NAV2: variants seen among roughly 807,000 people sequenced by gnomAD.
NAV2 encodes neuron navigator 2, also known as helicase, APC down-regulated 1.
NAV2 carries 54 observed loss-of-function variants against 223.2 expected under a neutral mutation model. The observed-to-expected ratio is 0.24, with a 90% CI of 0.19 to 0.30. The LOEUF (loss-of-function observed/expected upper bound fraction) is 0.30, where lower values mean the gene tolerates loss of function less well. Ranked by LOEUF, NAV2 falls within the 10% of genes least tolerant of loss-of-function variation. The probability of loss-of-function intolerance (pLI) is 1.00; values close to 1 mark genes in which losing one functional copy is unlikely to be tolerated. For synonymous variants in NAV2, 1,279 were observed against 1,239.3 expected (o/e 1.03, Z -0.67); for missense variants, 2,806 against 3,147.5 (o/e 0.89, Z 2.60).
At chr11:19,475,288 T>A (rs1249678306) in intron 1 of NAV2, among the ~76,000 whole-genome samples, 1 of 152,200 alleles carries the variant, frequency 6.6e-6, no homozygotes, top group Non-Finnish European at 1.5e-5. Context: ...TTTCTCAGAA[T>A]GAAGAGGACA....
intron 3 of NAV2, among the ~76,000 whole-genome samples, chr11:19,860,149 G>A: frequency 6.8e-6 from 1 of 146,948 alleles, no homozygotes; most frequent in Non-Finnish European, 1.5e-5. Flanking sequence ...TCCCGGACGG[G>A]GCGGCTGGCC....
intron 1 of NAV2, among the ~76,000 whole-genome samples, chr11:19,697,106 G>A (rs1338479594): frequency 1.3e-5 from 2 of 152,210 alleles, no homozygotes. Flanking sequence ...CCATAAAAAA[G>A]AACAAAATCA....
At chr11:19,796,304 G>A (rs1199713432) in intron 1 of NAV2, among the ~76,000 whole-genome samples, 3 of 152,252 alleles carry the variant, frequency 2.0e-5, no homozygotes, top group African/African-American at 7.2e-5. Flanking sequence ...CTCCTAATAT[G>A]TATTATTACA....
chr11:19,552,428 G>A (rs1387214121), intron 1 of NAV2, among the ~76,000 whole-genome samples: 2 of 152,074 alleles, frequency 1.3e-5, no homozygotes, highest in African/African-American at 4.8e-5. Flanking sequence ...GGGGCTCAGG[G>A]GCATGGAGCC....
At chr11:19,368,238 C>T (rs952621695) in intron 1 of NAV2, among the ~76,000 whole-genome samples, 1 of 152,202 alleles carries the variant, frequency 6.6e-6, no homozygotes, top group Non-Finnish European at 1.5e-5. Context: ...TTTTTCCTCT[C>T]CCGAGGCAAG....
At position 20,100,279 on chromosome 11, in the gene NAV2, T is replaced by C. The variant is rs186006981; in HGVS notation, c.6182-658T>C. On this transcript the variant is annotated intron_variant, in intron 31 of 37. Coordinates refer to ENST00000349880, the MANE Select transcript of NAV2 (RefSeq NM_145117.5). The stretch of plus-strand genomic sequence containing the variant: ...GGAAAGGAGAAGGATAAGTTTCCAC[T>C]TGATGTTGTTGAGGACCAAGAGTCC... Among the ~76,000 whole-genome samples the C allele has an allele frequency of 1.6e-4, 25 of 152,326 alleles. No homozygotes were observed. In the East Asian group the frequency reaches 3.5e-3, roughly 21 times the overall value.
intron 5 of NAV2, among the ~76,000 whole-genome samples, chr11:19,883,332 T>C (rs2063336559): frequency 6.6e-6 from 1 of 152,174 alleles, no homozygotes; most frequent in Non-Finnish European, 1.5e-5. Flanking sequence ...GACAGCTTCA[T>C]AGAGGCTCAC....
chr11:19,397,182 A>G (rs148143058), intron 1 of NAV2, among the ~76,000 whole-genome samples: 310 of 152,288 alleles, frequency 2.0e-3, no homozygotes, highest in Non-Finnish European at 3.1e-3. Context: ...AAAAGAGGGA[A>G]CTGATGTGTT....
intron 1 of NAV2, among the ~76,000 whole-genome samples, chr11:19,463,300 C>T (rs891531350): frequency 6.6e-6 from 1 of 152,196 alleles, no homozygotes; most frequent in African/African-American, 2.4e-5. Context: ...GGCATTGTGC[C>T]GTGTCTAAGA....
intron 1 of NAV2, among the ~76,000 whole-genome samples, chr11:19,634,018 T>C (rs1020232724): frequency 1.3e-5 from 2 of 152,252 alleles, no homozygotes; most frequent in Non-Finnish European, 2.9e-5. Flanking sequence ...AAAGGTATGT[T>C]CCTTCCTTCT....
intron 1 of NAV2, among the ~76,000 whole-genome samples, chr11:19,394,941 C>T (rs1590115885): frequency 1.3e-5 from 2 of 152,190 alleles, no homozygotes; most frequent in East Asian, 3.8e-4. Flanking sequence ...AGTACATAAT[C>T]CCGTAAAGCC....
intron 10 of NAV2, among the ~76,000 whole-genome samples, chr11:19,981,759 A>T (rs1338433390): frequency 6.6e-6 from 1 of 152,200 alleles, no homozygotes; most frequent in Non-Finnish European, 1.5e-5. Flanking sequence ...TGCTACCTGT[A>T]GGATGGATGC....
intron 1 of NAV2, among the ~76,000 whole-genome samples, chr11:19,803,412 T>C (rs1279671945): frequency 6.6e-6 from 1 of 152,184 alleles, no homozygotes; most frequent in Non-Finnish European, 1.5e-5. Flanking sequence ...AAGAAAGCAT[T>C]TGGCAGCATG....
At chr11:20,032,220 C>T (rs2153558849) in intron 11 of NAV2, among the ~76,000 whole-genome samples, 1 of 152,304 alleles carries the variant, frequency 6.6e-6, no homozygotes, top group South Asian at 2.1e-4. Flanking sequence ...CCTCGTGTCA[C>T]TGCCCTTCAT....
At chr11:19,459,649 C>G (rs1038719852) in intron 1 of NAV2, among the ~76,000 whole-genome samples, 1 of 152,182 alleles carries the variant, frequency 6.6e-6, no homozygotes, top group South Asian at 2.1e-4. Context: ...GATAATCAAC[C>G]AGTATTCTAG....
chr11:19,527,319 T>G (rs375229095), intron 1 of NAV2, among the ~76,000 whole-genome samples: 2 of 152,330 alleles, frequency 1.3e-5, no homozygotes, highest in East Asian at 3.9e-4. Flanking sequence ...TCTGTCACGA[T>G]TATGAGGCCT....
chr11:19,463,835 A>T (rs1852250606), intron 1 of NAV2, among the ~76,000 whole-genome samples: 1 of 151,594 alleles, frequency 6.6e-6, no homozygotes, highest in Admixed American at 6.6e-5. Flanking sequence ...GGCTGGGGAG[A>T]GCTGACACAG....
chr11:19,648,108 G>A lies in NAV2; in HGVS notation c.76-184376G>A, dbSNP rs2047868488. Among the ~76,000 whole-genome samples, 5 of 152,146 alleles carry A rather than the reference G, an allele frequency of 3.3e-5. No individual in the cohort carries two copies. In the South Asian group the frequency reaches 8.3e-4, roughly 25 times the overall value. On this transcript the variant is annotated intron_variant, in intron 1 of 37. Transcript: ENST00000360655. ...GCTGTTAATTTTTCAGGAATTTTGT[G>A]AGCTACTTGTGAAAAGCAGTTATTA...
chr11:19,830,316 G>A (rs180670632), intron 1 of NAV2, among the ~76,000 whole-genome samples: 57 of 152,346 alleles, frequency 3.7e-4, no homozygotes, highest in African/African-American at 1.3e-3. Context: ...GGATGCCACG[G>A]AAGGGATGAA....
Sources: allele counts gnomAD v4.1 joint callset (sites outside exome capture counted in the v4.1 genomes callset), GRCh38; gene constraint gnomAD v4.1.1; transcripts MANE v1.5; gene names NCBI Gene and HGNC (gene_info 2026-07-23, HGNC 2026-07-21).